Variants in GRM8 observed in about 807,000 individuals in gnomAD.
The protein encoded by GRM8 is glutamate metabotropic receptor 8.
A neutral mutation model predicts 87.2 loss-of-function variants in GRM8; 47 were observed. That is an observed-to-expected ratio of 0.54 (90% confidence interval 0.43 to 0.69). The LOEUF (loss-of-function observed/expected upper bound fraction) is 0.69. Ranked by LOEUF, GRM8 falls within the 30% of genes least tolerant of loss-of-function variation. The pLI, the probability that GRM8 is intolerant of heterozygous loss-of-function variation, is 0.00. For missense variants in GRM8, 1,019 were observed against 1,139.2 expected, an observed-to-expected ratio of 0.89 and a Z score of 1.52; for synonymous variants, 396 against 404.5, an observed-to-expected ratio of 0.98 and a Z score of 0.25.
chr7:127,183,713 A>C (rs1794596168), intron 2 of GRM8, among the ~76,000 whole-genome samples: 1 of 151,802 alleles, frequency 6.6e-6, no homozygotes, highest in South Asian at 2.1e-4. Flanking sequence ...TTTAAACAGC[A>C]AACAATAGAC....
intron 3 of GRM8, among the ~76,000 whole-genome samples, chr7:127,088,785 CAT>C (rs1320117384): frequency 2.0e-5 from 3 of 152,170 alleles, no homozygotes; most frequent in Non-Finnish European, 4.4e-5. Flanking sequence ...TGGCTTTGAC[CAT>C]ATGTTTCAAG....
At chr7:127,092,098 G>A (rs562692363) in intron 3 of GRM8, among the ~76,000 whole-genome samples, 13 of 118,696 alleles carry the variant, frequency 1.1e-4, no homozygotes, top group African/African-American at 2.3e-4. Context: ...TCATTCCCCC[G>A]TTCCACTGGT....
chr7:127,057,450 A>G (rs866518673), intron 3 of GRM8, among the ~76,000 whole-genome samples: 1 of 152,104 alleles, frequency 6.6e-6, no homozygotes, highest in Admixed American at 6.5e-5. Context: ...TTGTCCATAC[A>G]ATATCCCTAT....
chr7:127,081,569 C>T (rs539353830), intron 3 of GRM8, among the ~76,000 whole-genome samples: 2 of 141,994 alleles, frequency 1.4e-5, no homozygotes, highest in African/African-American at 5.6e-5. Context: ...AAGTTAGAAA[C>T]TGTGGCCTTC....
At chr7:126,927,136 T>C (rs1805219388) in intron 3 of GRM8, among the ~76,000 whole-genome samples, 1 of 152,164 alleles carries the variant, frequency 6.6e-6, no homozygotes. Flanking sequence ...TTATTATATT[T>C]AAAAACAAAA....
chr7:127,119,148 G>A (rs1227467830), intron 2 of GRM8, among the ~76,000 whole-genome samples: 4 of 152,120 alleles, frequency 2.6e-5, no homozygotes, highest in Non-Finnish European at 4.4e-5. Context: ...CCCAAGTTCA[G>A]AGAGAGCACA....
At chr7:127,146,885 CT>C (rs1419803389) in intron 2 of GRM8, among the ~76,000 whole-genome samples, 3 of 152,034 alleles carry the variant, frequency 2.0e-5, no homozygotes, top group Non-Finnish European at 2.9e-5. Context: ...AAGATGACCC[CT>C]GTCACCTCTT....
At chr7:126,444,104 A>G (rs1801748877) in intron 10 of GRM8, among the ~76,000 whole-genome samples, 1 of 151,992 alleles carries the variant, frequency 6.6e-6, no homozygotes, top group African/African-American at 2.4e-5. Context: ...AAAAACAGGT[A>G]AAACAATAGA....
chr7:126,647,326 G>GAT (rs1563054758), intron 7 of GRM8, among the ~76,000 whole-genome samples: 1 of 54,922 alleles, frequency 1.8e-5, no homozygotes, highest in Non-Finnish European at 5.4e-5. Context: ...TAGATAGATA[G>GAT]ATAGATAGAT....
Position 127,036,593 on chromosome 7 carries a change from C to G in GRM8, c.727+69903G>C, listed in dbSNP as rs17866947. Among the ~76,000 whole-genome samples, 1,385 of 152,268 alleles carry G rather than the reference C, an allele frequency of 9.1e-3. 20 individuals carry two copies. Among genetic ancestry groups the G allele is most frequent in the African/African-American group, 0.031 (1,282 of 41,552 alleles). ...CCCTGGGATCCCCATAGTATTGGCC[C>G]TAATAGGATTGCTTGTATTGAGTTG... On this transcript the variant is annotated intron_variant, in intron 3 of 10. Coordinates refer to ENST00000339582, the MANE Select transcript of GRM8 (RefSeq NM_000845.3).
chr7:126,523,121 G>C (rs1813246142), intron 9 of GRM8, among the ~76,000 whole-genome samples: 1 of 152,130 alleles, frequency 6.6e-6, no homozygotes, highest in African/African-American at 2.4e-5. Context: ...AAGATTTTGA[G>C]TCATTTTACA....
chr7:127,119,561 A>G (rs1202768615), intron 2 of GRM8, among the ~76,000 whole-genome samples: 19 of 152,008 alleles, frequency 1.2e-4, no homozygotes, highest in Non-Finnish European at 4.4e-5. Flanking sequence ...AAAAGAAAAG[A>G]AAAGGTAGAA....
chr7:127,235,917 G>A (rs981331376), intron 2 of GRM8, among the ~76,000 whole-genome samples: 3 of 152,190 alleles, frequency 2.0e-5, no homozygotes, highest in Non-Finnish European at 4.4e-5. Flanking sequence ...AAAATCATGT[G>A]TGCATGTGTT....
chr7:127,225,367 G>A (rs988195719), intron 2 of GRM8, among the ~76,000 whole-genome samples: 5 of 152,186 alleles, frequency 3.3e-5, no homozygotes, highest in African/African-American at 1.2e-4. Flanking sequence ...CCTTGTCAAG[G>A]CTCAGGGTCT....
At chr7:126,987,177 C>T (rs913054793) in intron 3 of GRM8, among the ~76,000 whole-genome samples, 2 of 152,046 alleles carry the variant, frequency 1.3e-5, no homozygotes, top group Admixed American at 6.6e-5. Flanking sequence ...AGCTTTTAGT[C>T]GTGTAAAAAA....
At chr7:127,171,946 C>T (rs900283291) in intron 2 of GRM8, among the ~76,000 whole-genome samples, 6 of 151,914 alleles carry the variant, frequency 3.9e-5, no homozygotes, top group African/African-American at 1.4e-4. Flanking sequence ...TTCCAGCTCA[C>T]TTCGAAAAAA....
intron 2 of GRM8, among the ~76,000 whole-genome samples, chr7:127,124,771 C>T (rs916603130): frequency 2.0e-4 from 30 of 152,094 alleles, no homozygotes; most frequent in African/African-American, 6.8e-4. Flanking sequence ...TAACTGGAAC[C>T]AGATGTAGCC....
intron 6 of GRM8, among the ~76,000 whole-genome samples, chr7:126,780,925 C>G (rs1166477083): frequency 6.6e-6 from 1 of 151,976 alleles, no homozygotes; most frequent in Non-Finnish European, 1.5e-5. Flanking sequence ...TTTTATAGTT[C>G]AGAAAGGAGC....
chr7:126,598,886 A>T (rs1246709572), intron 8 of GRM8, among the ~76,000 whole-genome samples: 2 of 152,078 alleles, frequency 1.3e-5, no homozygotes, highest in Non-Finnish European at 2.9e-5. Context: ...CATTCCCCAC[A>T]ATGTTCTCTG....
Sources: allele counts gnomAD v4.1 joint callset (sites outside exome capture counted in the v4.1 genomes callset), GRCh38; gene constraint gnomAD v4.1.1; transcripts MANE v1.5; gene names NCBI Gene and HGNC (gene_info 2026-07-23, HGNC 2026-07-21).